Variants in NECAB2 observed in about 807,000 individuals in gnomAD.
NECAB2 encodes N-terminal EF-hand calcium binding protein 2, also known as N-terminal EF-hand calcium-binding protein 2.
A neutral mutation model predicts 51.9 loss-of-function variants in NECAB2; 68 were observed. The observed-to-expected ratio is 1.31, with a 90% CI of 1.08 to 1.60. NECAB2 has a LOEUF of 1.60. Among genes scored for constraint, NECAB2 ranks in the 40% most tolerant of loss-of-function variants. The probability of loss-of-function intolerance (pLI) is 0.00; values close to 1 mark genes in which losing one functional copy is unlikely to be tolerated. For synonymous variants in NECAB2, 329 were observed against 203.5 expected, an observed-to-expected ratio of 1.62 and a Z score of -5.25; for missense variants, 854 against 490.3, an observed-to-expected ratio of 1.74 and a Z score of -7.00.
At chr16:83,984,493 C>A (rs568940167) in intron 5 of NECAB2, among the ~76,000 whole-genome samples, 45 of 151,666 alleles carry the variant, frequency 3.0e-4, no homozygotes, top group Admixed American at 2.9e-3. Flanking sequence ...GAGGCCGAGG[C>A]GGGAGGATCG....
At chr16:84,001,612 T>C (rs1425200979) in intron 11 of NECAB2, among the ~76,000 whole-genome samples, 1 of 152,058 alleles carries the variant, frequency 6.6e-6, no homozygotes, top group African/African-American at 2.4e-5. Context: ...GCTGCCCATT[T>C]ATAGCTCACA....
chr16:83,976,368 A>G (rs924317791), intron 2 of NECAB2, among the ~76,000 whole-genome samples: 1 of 152,162 alleles, frequency 6.6e-6, no homozygotes, highest in African/African-American at 2.4e-5. Context: ...ACCCCTCTCT[A>G]ACATGGAAGT....
intron 1 of NECAB2, among the ~76,000 whole-genome samples, chr16:83,969,388 C>T (rs957082674): frequency 6.6e-6 from 1 of 151,550 alleles, no homozygotes; most frequent in African/African-American, 2.4e-5. Flanking sequence ...GAAGCCCCCT[C>T]CCCACCTTCT....
upstream of NECAB2, among the ~76,000 whole-genome samples, chr16:83,966,593 C>T (rs985334383): frequency 4.6e-4 from 70 of 152,062 alleles, 1 homozygote; most frequent in Admixed American, 4.5e-3. Context: ...GCTGCAGCCC[C>T]GCCCCCTCCG....
intron 2 of NECAB2, among the ~76,000 whole-genome samples, chr16:83,976,872 A>T (rs999501004): frequency 6.6e-6 from 1 of 152,206 alleles, no homozygotes; most frequent in Non-Finnish European, 1.5e-5. Context: ...CCCTGTGTTG[A>T]GCTCCAGCAG....
intron 9 of NECAB2, 60 bp downstream of exon 9, chr16:83,997,329 A>G (rs924239329): frequency 1.2e-6 from 2 of 1,606,840 alleles, no homozygotes; most frequent in Non-Finnish European, 1.7e-6. Context: ...AGGACTGCCA[A>G]GATCCAAGTG....
At chr16:83,965,332 C>T, upstream of NECAB2, 1 of 1,574,844 alleles carries the variant, frequency 6.3e-7, no homozygotes, top group African/African-American at 1.3e-5. Flanking sequence ...ACAGCCCGGC[C>T]CGGCTGGGCA....
intron 1 of NECAB2, chr16:83,971,883 TGC>T: frequency 8.5e-6 from 5 of 586,718 alleles, no homozygotes; most frequent in African/African-American, 5.6e-5. Flanking sequence ...GCCGTGGGCC[TGC>T]GTGTGTGTGT....
At position 84,001,856 on chromosome 16, in the gene NECAB2, C is replaced by T. The variant is rs577359018; in HGVS notation, c.1072C>T (p.Arg358Trp). 1.5e-4 allele frequency: 242 copies of T among 1,614,140 alleles called. No individual in the cohort carries two copies. Among genetic ancestry groups the T allele is most frequent in the African/African-American group, 2.7e-4 (20 of 75,066 alleles). The part of the protein sequence containing the change: ...HLQSPLCKAF[R>W]HVKVDTLSQP... Reference sequence around the variant, plus strand: ...GCAGAGCCCCCTGTGTAAGGCGTTCCGGCACGTCAAGGTGGACACACTGAG... The same window carrying T: ...GCAGAGCCCCCTGTGTAAGGCGTTCTGGCACGTCAAGGTGGACACACTGAG... The change falls in exon 12 of 13, where the codon CGG (arginine) becomes TGG (tryptophan). Residue 358 changes from arginine to tryptophan, a missense_variant. By Grantham distance (101) the Arg-to-Trp change is moderately radical. Coordinates refer to ENST00000305202, the MANE Select transcript of NECAB2 (RefSeq NM_019065.3).
chr16:83,977,717 C>T (rs2084431129), intron 2 of NECAB2, among the ~76,000 whole-genome samples: 1 of 152,150 alleles, frequency 6.6e-6, no homozygotes. Flanking sequence ...CATCTGTGGC[C>T]TGGGAGAGGA....
At chr16:83,979,819 T>A (rs1480982860) in intron 3 of NECAB2, among the ~76,000 whole-genome samples, 1 of 152,050 alleles carries the variant, frequency 6.6e-6, no homozygotes, top group Non-Finnish European at 1.5e-5. Flanking sequence ...TTAGGATTAA[T>A]CTCCCCAACA....
chr16:83,995,514 G>A (rs1032628622), intron 8 of NECAB2, among the ~76,000 whole-genome samples: 1 of 152,150 alleles, frequency 6.6e-6, no homozygotes, highest in African/African-American at 2.4e-5. Context: ...AGCAATGTTA[G>A]CAATTATTAT....
chr16:83,992,698 A>G (rs992587208), intron 6 of NECAB2, among the ~76,000 whole-genome samples: 4 of 152,110 alleles, frequency 2.6e-5, no homozygotes, highest in African/African-American at 9.7e-5. Context: ...TGATCTGAGC[A>G]TTTGCGCTGA....
chr16:83,992,378 C>CCCCA lies in NECAB2; in HGVS notation c.596+1751_596+1752insACCC, dbSNP rs1555548090. Among the ~76,000 whole-genome samples the CCCCA allele has an allele frequency of 1.7e-4, 15 of 88,674 alleles. 1 individual carries two copies. The highest frequency in any genetic ancestry group is 5.2e-3 in the Middle Eastern group (1 of 194). 58.2% of individuals were successfully genotyped at this position (88,674 alleles called of 152,430 possible). ...TCTCCCGGGGAACACGAGCACCCGT[C>CCCCA]CCCCCGCCCACCTCCATTTGCTGTT... On this transcript the variant is annotated intron_variant, in intron 6 of 12. Coordinates refer to ENST00000305202, the MANE Select transcript of NECAB2 (RefSeq NM_019065.3).
At chr16:83,975,071 TGTG>T in intron 2 of NECAB2, among the ~76,000 whole-genome samples, 1 of 82,700 alleles carries the variant, frequency 1.2e-5, no homozygotes, top group Non-Finnish European at 2.4e-5. Flanking sequence ...TGCAGGGAGG[TGTG>T]GGTGCAGGGA....
rs369271127 is a variant in NECAB2 at position 84,001,013 on chromosome 16, G to C, written c.1040+212G>C. Among the ~76,000 whole-genome samples, 26 of 152,158 alleles carry C rather than the reference G, an allele frequency of 1.7e-4. 1 individual carries two copies. The highest frequency in any genetic ancestry group is 6.0e-4 in the African/African-American group (25 of 41,472). ...TGAGAGCCCCCACCACACTCAGCTG[G>C]GCTTTCCTGCTTTCCCCAGGGTTGC... On this transcript the variant is annotated intron_variant, in intron 11 of 12. Coordinates refer to ENST00000305202, the MANE Select transcript of NECAB2 (RefSeq NM_019065.3).
chr16:83,997,230 C>A lies in NECAB2; in HGVS notation c.810C>A (p.Asp270Glu). 3.1e-6 allele frequency: 5 copies of A among 1,614,132 alleles called. No homozygotes were observed. Among genetic ancestry groups the A allele is most frequent in the Non-Finnish European group, 4.2e-6 (5 of 1,180,030 alleles). ...GRLESKALWF[D>E]LQQRLSDEDG... ...GATTGTTTCAGGCACTGTGGTTCGA[C>A]CTGCAGCAGCGCCTGTCAGATGAAG... is the stretch of plus-strand genomic sequence containing the variant. Residue 270 changes from aspartate (D) to glutamate (E), a missense_variant, in exon 9 of 13, where the codon GAC (aspartate) becomes GAA (glutamate). Transcript: ENST00000305202.
chr16:83,979,030 C>G (rs967487117), intron 3 of NECAB2, among the ~76,000 whole-genome samples: 1 of 152,202 alleles, frequency 6.6e-6, no homozygotes, highest in African/African-American at 2.4e-5. Context: ...TAAACCTTTT[C>G]TCCAACCCAG....
intron 5 of NECAB2, among the ~76,000 whole-genome samples, chr16:83,985,094 C>T (rs1018600224): frequency 6.6e-6 from 1 of 151,898 alleles, no homozygotes; most frequent in Non-Finnish European, 1.5e-5. Context: ...GGGCAGATCA[C>T]CTGAGGTCAG....
Sources: allele counts gnomAD v4.1 joint callset (sites outside exome capture counted in the v4.1 genomes callset), GRCh38; gene constraint gnomAD v4.1.1; transcripts MANE v1.5; gene names NCBI Gene and HGNC (gene_info 2026-07-23, HGNC 2026-07-21).